Variants in SLC24A3 observed in about 807,000 individuals in gnomAD.
SLC24A3 encodes sodium/potassium/calcium exchanger 3.
SLC24A3 carries 28 observed loss-of-function variants against 75.8 expected under a neutral mutation model. The observed-to-expected ratio is 0.37, with a 90% CI of 0.27 to 0.51. SLC24A3 has a LOEUF of 0.51. SLC24A3 is among the 20% of genes least tolerant of loss of function. SLC24A3 has a pLI of 0.94. For missense variants in SLC24A3, 663 were observed against 847.8 expected, an observed-to-expected ratio of 0.78 and a Z score of 2.71; for synonymous variants, 372 against 334.1, an observed-to-expected ratio of 1.11 and a Z score of -1.24.
At chr20:19,530,468 A>C (rs1338766326) in intron 3 of SLC24A3, among the ~76,000 whole-genome samples, 1 of 152,182 alleles carries the variant, frequency 6.6e-6, no homozygotes, top group Non-Finnish European at 1.5e-5. Flanking sequence ...GATTTCCATG[A>C]CAGCTCAATG....
At chr20:19,358,390 T>C (rs1331941857) in intron 2 of SLC24A3, among the ~76,000 whole-genome samples, 3 of 152,176 alleles carry the variant, frequency 2.0e-5, no homozygotes, top group African/African-American at 4.8e-5. Context: ...TTTGGTCTCA[T>C]TTTGGGAAAA....
chr20:19,360,702 C>T (rs1456823927), intron 2 of SLC24A3, among the ~76,000 whole-genome samples: 1 of 152,236 alleles, frequency 6.6e-6, no homozygotes, highest in Non-Finnish European at 1.5e-5. Flanking sequence ...TGATTGTCAA[C>T]ATCTCAGCAA....
chr20:19,504,244 C>T (rs1988429333), intron 2 of SLC24A3, among the ~76,000 whole-genome samples: 1 of 152,232 alleles, frequency 6.6e-6, no homozygotes, highest in East Asian at 1.9e-4. Context: ...CAGAGGGAAA[C>T]TTTTGTGCTT....
intron 2 of SLC24A3, among the ~76,000 whole-genome samples, chr20:19,465,005 G>T (rs756699756): frequency 6.6e-6 from 1 of 152,238 alleles, no homozygotes; most frequent in Non-Finnish European, 1.5e-5. Flanking sequence ...CTTGCCACAT[G>T]TGTGGCTGTG....
intron 8 of SLC24A3, among the ~76,000 whole-genome samples, 180 bp downstream of exon 8, chr20:19,666,069 T>G (rs575149456): frequency 8.6e-5 from 13 of 151,990 alleles, no homozygotes; most frequent in Non-Finnish European, 1.9e-4. Context: ...TTTCACAGAG[T>G]CAAGACCTTT....
At chr20:19,660,511 A>G (rs984503620) in intron 7 of SLC24A3, among the ~76,000 whole-genome samples, 3 of 152,054 alleles carry the variant, frequency 2.0e-5, no homozygotes, top group African/African-American at 4.8e-5. Context: ...GTGTATATAA[A>G]CCATATTTTC....
chr20:19,468,230 G>C (rs1367352889), intron 2 of SLC24A3, among the ~76,000 whole-genome samples: 1 of 152,130 alleles, frequency 6.6e-6, no homozygotes, highest in Admixed American at 6.5e-5. Flanking sequence ...ACAAGATAGG[G>C]ATCTGTTTGT....
intron 2 of SLC24A3, among the ~76,000 whole-genome samples, chr20:19,411,465 C>T (rs183222984): frequency 9.2e-5 from 14 of 152,270 alleles, no homozygotes; most frequent in Middle Eastern, 3.4e-3. Context: ...TGGACATCGC[C>T]GAGCAGATTG....
At chr20:19,268,721 G>A (rs1435747777) in intron 1 of SLC24A3, among the ~76,000 whole-genome samples, 2 of 152,168 alleles carry the variant, frequency 1.3e-5, no homozygotes, top group African/African-American at 4.8e-5. Context: ...TTAAATCCTG[G>A]TTGGGATGCT....
chr20:19,330,010 A>C (rs1007113380), intron 2 of SLC24A3, among the ~76,000 whole-genome samples: 1 of 152,210 alleles, frequency 6.6e-6, no homozygotes, highest in Non-Finnish European at 1.5e-5. Flanking sequence ...CAGTCTCTAC[A>C]CATGATTTTA....
chr20:19,547,580 G>A (rs540575976), intron 3 of SLC24A3, among the ~76,000 whole-genome samples: 7 of 152,294 alleles, frequency 4.6e-5, no homozygotes, highest in East Asian at 3.9e-4. Flanking sequence ...AAATGAAGCC[G>A]GATCTCACAG....
chr20:19,346,118 G>A (rs1221878085), intron 2 of SLC24A3, among the ~76,000 whole-genome samples: 9 of 67,470 alleles, frequency 1.3e-4, no homozygotes, highest in African/African-American at 8.8e-4. Flanking sequence ...TGGTGTGTGT[G>A]TGTGTGTATA....
At chr20:19,336,221 A>C (rs1985129976) in intron 2 of SLC24A3, among the ~76,000 whole-genome samples, 1 of 152,098 alleles carries the variant, frequency 6.6e-6, no homozygotes, top group South Asian at 2.1e-4. Flanking sequence ...CGTTTTTGTG[A>C]ATAAAGGTTT....
chr20:19,238,049 A>C (rs1982218390), intron 1 of SLC24A3, among the ~76,000 whole-genome samples: 1 of 152,230 alleles, frequency 6.6e-6, no homozygotes. Flanking sequence ...ATATATGTAC[A>C]GAAAAGGGTA....
At chr20:19,235,810 A>G (rs1417037335) in intron 1 of SLC24A3, among the ~76,000 whole-genome samples, 2 of 152,144 alleles carry the variant, frequency 1.3e-5, no homozygotes, top group Non-Finnish European at 2.9e-5. Flanking sequence ...ACAAGGTGCA[A>G]CTGAGCCCTG....
At chr20:19,527,459 A>G (rs186259640) in intron 3 of SLC24A3, among the ~76,000 whole-genome samples, 1 of 152,330 alleles carries the variant, frequency 6.6e-6, no homozygotes, top group East Asian at 1.9e-4. Flanking sequence ...GTGGTTTCAT[A>G]AGGCTCTGGG....
intron 2 of SLC24A3, among the ~76,000 whole-genome samples, chr20:19,444,865 G>A (rs969661869): frequency 2.1e-5 from 3 of 145,716 alleles, no homozygotes; most frequent in East Asian, 2.0e-4. Context: ...GGATCTAATC[G>A]GCTTTTTGTT....
chr20:19,672,302 T>C (rs896410604), intron 8 of SLC24A3, among the ~76,000 whole-genome samples: 1 of 152,170 alleles, frequency 6.6e-6, no homozygotes, highest in Non-Finnish European at 1.5e-5. Flanking sequence ...CTGAGCACTT[T>C]CTAGAATAAA....
chr20:19,408,447 T>A (rs1986689285), intron 2 of SLC24A3, among the ~76,000 whole-genome samples: 1 of 151,354 alleles, frequency 6.6e-6, no homozygotes, highest in South Asian at 2.1e-4. Flanking sequence ...TGGAGTGCAG[T>A]GGCATAATCT....
Sources: allele counts gnomAD v4.1 joint callset (sites outside exome capture counted in the v4.1 genomes callset), GRCh38; gene constraint gnomAD v4.1.1; transcripts MANE v1.5; gene names NCBI Gene and HGNC (gene_info 2026-07-23, HGNC 2026-07-21).